ESRRG: variants seen among roughly 807,000 people sequenced by gnomAD.
The protein encoded by ESRRG is estrogen related receptor gamma, also known as estrogen-related receptor gamma.
In ESRRG, 13 loss-of-function variants were observed where a neutral mutation model predicts 44.0. The ratio of observed to expected loss-of-function variants is 0.30; its 90% CI spans 0.19 to 0.47. ESRRG has a LOEUF of 0.47. Ranked by LOEUF, ESRRG falls within the 20% of genes least tolerant of loss-of-function variation. The pLI is 1.00. For missense variants in ESRRG, 395 were observed against 580.6 expected (o/e 0.68, Z 3.29); for synonymous variants, 215 against 214.6 (o/e 1.00, Z -0.02).
chr1:216,937,466 G>A (rs1245604461), intron 2 of ESRRG, among the ~76,000 whole-genome samples: 1 of 152,198 alleles, frequency 6.6e-6, no homozygotes, highest in Non-Finnish European at 1.5e-5. Flanking sequence ...AGTTACTAGA[G>A]CTCTGCCTCC....
At chr1:216,800,796 T>C (rs2094591308) in intron 2 of ESRRG, among the ~76,000 whole-genome samples, 1 of 152,158 alleles carries the variant, frequency 6.6e-6, no homozygotes, top group Non-Finnish European at 1.5e-5. Flanking sequence ...TCTTGTGGGT[T>C]CATGTATTAA....
At chr1:217,059,868 A>C (rs1458248223) in intron 1 of ESRRG, among the ~76,000 whole-genome samples, 1 of 152,130 alleles carries the variant, frequency 6.6e-6, no homozygotes, top group African/African-American at 2.4e-5. Flanking sequence ...GAGGAACTTA[A>C]TGATTAAAAG....
chr1:216,599,500 C>T (rs2058902604), intron 3 of ESRRG, among the ~76,000 whole-genome samples: 1 of 152,114 alleles, frequency 6.6e-6, no homozygotes, highest in Non-Finnish European at 1.5e-5. Context: ...TACCCAAGTG[C>T]TACAGTTCTC....
intron 2 of ESRRG, among the ~76,000 whole-genome samples, chr1:216,867,479 C>T (rs560174713): frequency 6.6e-6 from 1 of 152,010 alleles, no homozygotes; most frequent in Admixed American, 6.6e-5. Context: ...AACAAATTTG[C>T]GTAGGGGATA....
At chr1:217,074,711 A>G (rs1430574545) in intron 1 of ESRRG, among the ~76,000 whole-genome samples, 1 of 152,106 alleles carries the variant, frequency 6.6e-6, no homozygotes, top group Non-Finnish European at 1.5e-5. Context: ...AGTTTAAGGC[A>G]GCAATAAGCT....
upstream of ESRRG, among the ~76,000 whole-genome samples, chr1:216,724,381 G>A (rs1036168077): frequency 5.3e-5 from 7 of 132,994 alleles, no homozygotes; most frequent in Non-Finnish European, 1.1e-4. Flanking sequence ...TTTTTTTGTA[G>A]GGAGAGCATT....
chr1:217,086,751 T>C (rs539494022), intron 1 of ESRRG, among the ~76,000 whole-genome samples: 1 of 152,202 alleles, frequency 6.6e-6, no homozygotes, highest in Non-Finnish European at 1.5e-5. Flanking sequence ...TTTCCAACAA[T>C]TTTGAAACAA....
chr1:216,684,794 A>G (rs531360384), intron 1 of ESRRG, among the ~76,000 whole-genome samples: 1 of 152,330 alleles, frequency 6.6e-6, no homozygotes, highest in East Asian at 1.9e-4. Flanking sequence ...GCACTCAAAA[A>G]CTGTAACAGT....
intron 2 of ESRRG, among the ~76,000 whole-genome samples, chr1:216,782,475 TA>T (rs2093971157): frequency 2.0e-5 from 3 of 152,208 alleles, no homozygotes; most frequent in Non-Finnish European, 2.9e-5. Context: ...TTTTAGAAAC[TA>T]AAAAATTCAA....
intron 1 of ESRRG, among the ~76,000 whole-genome samples, chr1:217,105,417 C>T (rs2092578313): frequency 6.6e-6 from 1 of 152,158 alleles, no homozygotes; most frequent in Admixed American, 6.5e-5. Flanking sequence ...AGATGAAATA[C>T]TTGCTCAGGG....
chr1:216,991,125 G>A (rs530079350), intron 1 of ESRRG, among the ~76,000 whole-genome samples: 17 of 152,112 alleles, frequency 1.1e-4, no homozygotes, highest in South Asian at 2.1e-4. Flanking sequence ...TCTAGTTTGC[G>A]TGCTCCTTAT....
chr1:216,772,379 G>T (rs549323017), intron 2 of ESRRG, among the ~76,000 whole-genome samples: 54 of 152,022 alleles, frequency 3.6e-4, no homozygotes, highest in Non-Finnish European at 1.3e-4. Flanking sequence ...TCAGCAGCTC[G>T]GGTAGAAGCT....
chr1:216,971,866 T>A (rs1403604640), intron 1 of ESRRG, among the ~76,000 whole-genome samples: 2 of 152,224 alleles, frequency 1.3e-5, no homozygotes, highest in Admixed American at 1.3e-4. Context: ...AGGTGAAGAT[T>A]ATCTCTTTTC....
chr1:216,583,438 G>T (rs1558640575), intron 3 of ESRRG, among the ~76,000 whole-genome samples: 1 of 152,188 alleles, frequency 6.6e-6, no homozygotes, highest in Non-Finnish European at 1.5e-5. Context: ...TCTCATCTCT[G>T]CTGCCATTGA....
intron 3 of ESRRG, among the ~76,000 whole-genome samples, chr1:216,569,137 A>G (rs2060259868): frequency 7.0e-6 from 1 of 143,584 alleles, no homozygotes; most frequent in Non-Finnish European, 1.5e-5. Flanking sequence ...GGAAGGAAAG[A>G]AGGAAAGAAG....
At chr1:217,046,684 G>A (rs116955873) in intron 1 of ESRRG, among the ~76,000 whole-genome samples, 4,963 of 152,210 alleles carry the variant, frequency 0.033, 133 homozygotes, top group East Asian at 0.1. Context: ...AGGAGTTCGA[G>A]ACCAGCCTGG....
chr1:217,109,768 C>T (rs1382095060), intron 1 of ESRRG, among the ~76,000 whole-genome samples: 2 of 152,086 alleles, frequency 1.3e-5, no homozygotes, highest in Non-Finnish European at 2.9e-5. Flanking sequence ...TGGGGAATGA[C>T]ATAGGTGAAT....
At chr1:216,912,345 A>T (rs1343472152) in intron 2 of ESRRG, among the ~76,000 whole-genome samples, 6 of 134,232 alleles carry the variant, frequency 4.5e-5, no homozygotes, top group African/African-American at 1.3e-4. Flanking sequence ...AGAAGGAAGG[A>T]AGCAAGGGAG....
At chr1:216,773,441 C>T (rs577870624) in intron 2 of ESRRG, among the ~76,000 whole-genome samples, 6 of 152,168 alleles carry the variant, frequency 3.9e-5, no homozygotes, top group African/African-American at 1.4e-4. Flanking sequence ...CACCACTGAT[C>T]CCACTGAAGA....
Sources: allele counts gnomAD v4.1 joint callset (sites outside exome capture counted in the v4.1 genomes callset), GRCh38; gene constraint gnomAD v4.1.1; transcripts MANE v1.5; gene names NCBI Gene and HGNC (gene_info 2026-07-23, HGNC 2026-07-21).